Variants in GRAMD1B observed in about 807,000 individuals in gnomAD.
GRAMD1B encodes GRAM domain containing 1B.
In GRAMD1B, 37 loss-of-function variants were observed where a neutral mutation model predicts 99.7. The observed-to-expected ratio is 0.37, with a 90% CI of 0.29 to 0.49. GRAMD1B has a LOEUF of 0.49. GRAMD1B is among the 20% of genes least tolerant of loss of function. GRAMD1B has a pLI of 0.98. For synonymous variants in GRAMD1B, 427 were observed against 387.6 expected (o/e 1.10, Z -1.19); for missense variants, 888 against 1,009.2 (o/e 0.88, Z 1.63).
chr11:123,564,353 G>A (rs1226363196), intron 2 of GRAMD1B, among the ~76,000 whole-genome samples: 1 of 152,198 alleles, frequency 6.6e-6, no homozygotes, highest in Non-Finnish European at 1.5e-5. Context: ...TTCTTTATAT[G>A]TTCTTTGTCA....
chr11:123,544,352 G>T (rs755525938), intron 2 of GRAMD1B, among the ~76,000 whole-genome samples: 2 of 152,140 alleles, frequency 1.3e-5, no homozygotes, highest in African/African-American at 2.4e-5. Context: ...AAAAGCCCTT[G>T]CCCTAACCAC....
At chr11:123,612,646 G>A (rs1038633292) in intron 14 of GRAMD1B, 115 bp from the exon 15 acceptor site, 3 of 716,286 alleles carry the variant, frequency 4.2e-6, no homozygotes, top group African/African-American at 3.5e-5. Flanking sequence ...CTTTTAACTT[G>A]TAAAGTTTAG....
chr11:123,525,128 C>T (rs1040053938), intron 2 of GRAMD1B, among the ~76,000 whole-genome samples: 2 of 152,174 alleles, frequency 1.3e-5, no homozygotes, highest in Non-Finnish European at 2.9e-5. Flanking sequence ...TTGTGGTCAC[C>T]TTAAAAGGAT....
At chr11:123,538,610 C>CTTTAT (rs765265174) in intron 2 of GRAMD1B, among the ~76,000 whole-genome samples, 26 of 151,706 alleles carry the variant, frequency 1.7e-4, no homozygotes, top group African/African-American at 3.9e-4. Flanking sequence ...CTATTCTGGA[C>CTTTAT]TTTATTTTAT....
intron 2 of GRAMD1B, among the ~76,000 whole-genome samples, chr11:123,571,770 C>T (rs1948128980): frequency 6.6e-6 from 1 of 152,082 alleles, no homozygotes. Flanking sequence ...CCATATATCC[C>T]ATGCTATTTT....
At chr11:123,520,305 G>A (rs903217901) in intron 2 of GRAMD1B, among the ~76,000 whole-genome samples, 2 of 152,156 alleles carry the variant, frequency 1.3e-5, no homozygotes, top group Admixed American at 1.3e-4. Flanking sequence ...GCCAGTTTCT[G>A]TGAAAGTATA....
chr11:123,495,324 G>A (rs971076526), intron 2 of GRAMD1B, among the ~76,000 whole-genome samples: 7 of 151,926 alleles, frequency 4.6e-5, no homozygotes, highest in African/African-American at 1.5e-4. Flanking sequence ...TATGTTTATG[G>A]GTTACATGAG....
rs112119482 is a variant in GRAMD1B at position 123,591,280 on chromosome 11, G to C, written c.685-2802G>C. The C allele has an allele frequency of 7.6e-6, 3 of 397,224 alleles. No homozygotes were observed. Among genetic ancestry groups the C allele is most frequent in the Non-Finnish European group, 1.3e-5 (3 of 225,500 alleles). 24.6% of individuals were successfully genotyped at this position (397,224 alleles called of 1,614,324 possible). On this transcript the variant is annotated intron_variant, in intron 4 of 19. Transcript: ENST00000635736. The surrounding 1 kb of genome is among the most constrained non-coding windows in gnomAD (Gnocchi z 4.7). ...ACAGGCCCTCTGCTGAGAAACCAGA[G>C]GCCACCCATCCACAGTCAAGCCAGG...
chr11:123,548,323 T>TACACACAC (rs1288714416), intron 2 of GRAMD1B, among the ~76,000 whole-genome samples: 2 of 100,492 alleles, frequency 2.0e-5, no homozygotes, highest in African/African-American at 9.1e-5. Flanking sequence ...TATATATATA[T>TACACACAC]ATACACACAC....
chr11:123,462,172 T>C (rs1330148426), intron 1 of GRAMD1B, among the ~76,000 whole-genome samples: 1 of 151,506 alleles, frequency 6.6e-6, no homozygotes. Context: ...TTTCACCATG[T>C]TAGCCAGGAT....
intron 19 of GRAMD1B, among the ~76,000 whole-genome samples, chr11:123,620,441 T>C (rs1418990729): frequency 4.7e-5 from 2 of 42,424 alleles, no homozygotes; most frequent in African/African-American, 5.8e-5. Context: ...GCCACTGCAC[T>C]CCAGCCTGGC....
chr11:123,487,227 A>G (rs182609471), intron 2 of GRAMD1B, among the ~76,000 whole-genome samples: 244 of 152,212 alleles, frequency 1.6e-3, no homozygotes, highest in African/African-American at 5.6e-3. Context: ...GGCTCGGGGA[A>G]TTAAACTTGC....
upstream of GRAMD1B, among the ~76,000 whole-genome samples, chr11:123,427,460 AC>A (rs1377821460): frequency 6.6e-6 from 1 of 152,234 alleles, no homozygotes; most frequent in Non-Finnish European, 1.5e-5. Flanking sequence ...CATAACAAGC[AC>A]AGGATACTGG....
rs747151599 is a variant in GRAMD1B at position 123,622,549 on chromosome 11, G to A, written c.2588G>A (p.Arg863His). The A allele has an allele frequency of 1.3e-5, 21 of 1,557,676 alleles. No individual in the cohort carries two copies. In the South Asian group the frequency reaches 1.5e-4, roughly 11 times the overall value. ...AACCTTCAGAACGGCATCAGGTCCC[G>A]CGACTACACGTCGGAAAGTGAAGAA... ...LINLQNGIRSRDYTSESEEKR... is the reference protein window; with the variant it reads ...LINLQNGIRSHDYTSESEEKR... Residue 863 changes from arginine to histidine, a missense_variant, in exon 20 of 20, where the codon CGC (arginine) becomes CAC (histidine). By Grantham distance (29) the Arg-to-His change is conservative. This residue lies in a region of GRAMD1B where 232 missense variants were observed against 261.7 expected (regional missense o/e 0.89). Coordinates refer to ENST00000635736, the MANE Select transcript of GRAMD1B (RefSeq NM_001387025.1).
intron 2 of GRAMD1B, among the ~76,000 whole-genome samples, chr11:123,574,196 A>G (rs771113865): frequency 2.0e-5 from 3 of 152,150 alleles, no homozygotes; most frequent in Non-Finnish European, 2.9e-5. Context: ...AAGAGCATGT[A>G]TATTAAGGGA....
Position 123,425,040 on chromosome 11 carries a change from C to T in GRAMD1B, c.-175-55776C>T, listed in dbSNP as rs551264238. ...CACTTACTGTGTGCCAAACTCTGTT[C>T]TAAGTGCCCTACACAGCACTAATGC... On this transcript the variant is annotated intron_variant, in intron 1 of 20. Coordinates refer to the GRAMD1B transcript ENST00000638157. 9.2e-5 allele frequency among the ~76,000 whole-genome samples: 14 copies of T among 152,334 alleles called. No homozygotes were observed. The South Asian group carries it at 2.9e-3, about 32-fold the overall frequency.
intron 2 of GRAMD1B, among the ~76,000 whole-genome samples, chr11:123,538,723 G>A (rs190352427): frequency 1.3e-5 from 2 of 151,768 alleles, no homozygotes; most frequent in African/African-American, 2.4e-5. Context: ...GGGTTCAAGC[G>A]ATCCTCCCAC....
At chr11:123,559,155 C>G (rs185454816) in intron 2 of GRAMD1B, among the ~76,000 whole-genome samples, 33 of 152,302 alleles carry the variant, frequency 2.2e-4, no homozygotes, top group Admixed American at 4.6e-4. Context: ...GAAAGGCTGA[C>G]TTTTGGGTGG....
intron 2 of GRAMD1B, among the ~76,000 whole-genome samples, chr11:123,505,084 G>A (rs2846300): frequency 0.51 from 78,056 of 151,934 alleles, 20,675 homozygotes; most frequent in Middle Eastern, 0.56. Flanking sequence ...TCTTAATGTC[G>A]GACACCCTGT....
Sources: gnomAD v4.1 joint callset for allele counts (sites outside exome capture counted in the v4.1 genomes callset) on GRCh38, gnomAD v4.1.1 for gene constraint, gnomAD v4.1.1 regional missense constraint, Gnocchi (gnomAD v3.1) non-coding constraint, MANE v1.5 for transcripts, NCBI Gene and HGNC (gene_info 2026-07-23, HGNC 2026-07-21) for gene names.